The following WDPCP variants were observed in gnomAD, a reference collection of about 807,000 sequenced individuals.
WDPCP encodes the protein WD repeat containing planar cell polarity effector.
In WDPCP, 71 loss-of-function variants were observed where a neutral mutation model predicts 93.1. The ratio of observed to expected loss-of-function variants is 0.76; its 90% confidence interval spans 0.63 to 0.93. WDPCP has a LOEUF of 0.93. WDPCP is among the 40% of genes least tolerant of loss of function. The pLI, the probability that WDPCP is intolerant of heterozygous loss-of-function variation, is 0.00. For synonymous variants in WDPCP, 315 were observed against 315.0 expected, an observed-to-expected ratio of 1.00 and a Z score of 0.00; for missense variants, 844 against 887.4, an observed-to-expected ratio of 0.95 and a Z score of 0.62.
chr2:63,749,340 C>T (rs923461872), intron 2 of WDPCP, among the ~76,000 whole-genome samples: 5 of 152,068 alleles, frequency 3.3e-5, no homozygotes, highest in African/African-American at 1.2e-4. Flanking sequence ...TCCAAGATCC[C>T]TTCCTCTTTT....
chr2:63,770,216 A>G lies in WDPCP; in HGVS notation n.308+43406T>C, dbSNP rs534934965. On this transcript the variant is annotated intron_variant and non_coding_transcript_variant, in intron 2 of 4. Transcript: ENST00000467687. ...GCTGAAAATAATATTTTAGTCTACCACCATACCACCCTGAACGTGTCCAAT... is the reference window on the plus strand; with the variant it reads ...GCTGAAAATAATATTTTAGTCTACCGCCATACCACCCTGAACGTGTCCAAT... Among the ~76,000 whole-genome samples, 3 of 152,100 alleles carry G rather than the reference A, an allele frequency of 2.0e-5. No individual in the cohort carries two copies. The East Asian group carries it at 5.8e-4, about 29-fold the overall frequency.
At chr2:63,809,475 G>A (rs182190843) in intron 2 of WDPCP, among the ~76,000 whole-genome samples, 4,110 of 142,110 alleles carry the variant, frequency 0.029, 81 homozygotes, top group Middle Eastern at 0.092. Flanking sequence ...ACAAAGGGGG[G>A]AAAGGTGGGG....
At chr2:63,330,883 T>C (rs1687926264) in intron 12 of WDPCP, among the ~76,000 whole-genome samples, 1 of 149,866 alleles carries the variant, frequency 6.7e-6, no homozygotes, top group East Asian at 2.0e-4. Context: ...TTTTTTTTTT[T>C]TTTTTGAGAC....
intron 14 of WDPCP, among the ~76,000 whole-genome samples, chr2:63,176,080 G>A (rs1480994786): frequency 2.6e-5 from 4 of 152,046 alleles, no homozygotes; most frequent in African/African-American, 9.7e-5. Context: ...CCAAATCCTT[G>A]ACAAACTTGT....
chr2:63,172,890 T>A (rs139919039), intron 15 of WDPCP, among the ~76,000 whole-genome samples: 103 of 151,918 alleles, frequency 6.8e-4, no homozygotes, highest in African/African-American at 2.2e-3. Flanking sequence ...GGCATTTGGG[T>A]GTGAAGGAAG....
chr2:63,516,957 G>A (rs1001787401), intron 1 of WDPCP, among the ~76,000 whole-genome samples: 18 of 151,552 alleles, frequency 1.2e-4, no homozygotes, highest in African/African-American at 4.2e-4. Flanking sequence ...GGAAGAAGGT[G>A]GGAGAAAGAA....
intron 11 of WDPCP, among the ~76,000 whole-genome samples, 170 bp downstream of exon 11, chr2:63,381,736 A>G (rs1692323920): frequency 6.6e-6 from 1 of 152,222 alleles, no homozygotes; most frequent in African/African-American, 2.4e-5. Flanking sequence ...AGTAAGTACT[A>G]TATGGGAGCA....
At chr2:63,832,746 T>A (rs1360939098), upstream of WDPCP, among the ~76,000 whole-genome samples, 1 of 152,216 alleles carries the variant, frequency 6.6e-6, no homozygotes, top group African/African-American at 2.4e-5. Context: ...GCCTATTATG[T>A]GTCAAGCACT....
At chr2:63,268,238 G>A (rs1459846776) in intron 13 of WDPCP, among the ~76,000 whole-genome samples, 1 of 152,138 alleles carries the variant, frequency 6.6e-6, no homozygotes, top group Non-Finnish European at 1.5e-5. Context: ...GAAAGATACT[G>A]TATGATCTCA....
At chr2:63,541,632 C>T (rs960177170) in intron 1 of WDPCP, among the ~76,000 whole-genome samples, 2 of 152,096 alleles carry the variant, frequency 1.3e-5, no homozygotes, top group African/African-American at 4.8e-5. Context: ...GCCCTTATTT[C>T]CCCCTTCTCT....
At chr2:63,808,711 G>A (rs956724844) in intron 2 of WDPCP, among the ~76,000 whole-genome samples, 3 of 152,152 alleles carry the variant, frequency 2.0e-5, no homozygotes, top group Non-Finnish European at 2.9e-5. Context: ...CCTCCCAGCC[G>A]CCTGCCTTGG....
intron 1 of WDPCP, chr2:63,571,262 A>C: frequency 5.0e-6 from 2 of 401,070 alleles, no homozygotes; most frequent in South Asian, 3.8e-5. Flanking sequence ...GTGTAAAATA[A>C]ATCAGTGTAC....
chr2:63,647,438 C>A (rs1268311586), intron 3 of WDPCP, among the ~76,000 whole-genome samples: 3 of 152,240 alleles, frequency 2.0e-5, no homozygotes, highest in East Asian at 3.9e-4. Context: ...CCGGCCTATG[C>A]ATTTTCAAAT....
rs1039028287 is a variant in WDPCP at position 63,227,918 on chromosome 2, C to A, written c.1915+31389G>T. 9.9e-5 allele frequency among the ~76,000 whole-genome samples: 15 copies of A among 151,968 alleles called. 1 individual carries two copies. The highest frequency in any genetic ancestry group is 7.4e-5 in the Non-Finnish European group (5 of 67,914). On this transcript the variant is annotated intron_variant, in intron 14 of 17. Transcript: ENST00000272321. Reference sequence around the variant, plus strand: ...AACAGAGTATAAATCTAACAGGGAACAAAGGAAACAAAAATGACAGGCATA... The same window carrying A: ...AACAGAGTATAAATCTAACAGGGAAAAAAGGAAACAAAAATGACAGGCATA...
chr2:63,668,584 C>A (rs771155391), intron 2 of WDPCP, among the ~76,000 whole-genome samples: 2 of 152,212 alleles, frequency 1.3e-5, no homozygotes, highest in Admixed American at 1.3e-4. Flanking sequence ...AATATATATT[C>A]ATGGGCAGGA....
intron 12 of WDPCP, chr2:63,377,861 A>T (rs1691987396): frequency 6.5e-6 from 1 of 154,276 alleles, no homozygotes; most frequent in Admixed American, 6.4e-5. Flanking sequence ...TCTTAGAGAA[A>T]TCTCTTGACA....
At chr2:63,609,006 A>G (rs964205108) in intron 3 of WDPCP, among the ~76,000 whole-genome samples, 2 of 152,124 alleles carry the variant, frequency 1.3e-5, no homozygotes, top group African/African-American at 4.8e-5. Flanking sequence ...ACTCCCTTCT[A>G]TATTCTCGTG....
intron 13 of WDPCP, among the ~76,000 whole-genome samples, chr2:63,303,969 TC>T (rs1685526326): frequency 3.8e-5 from 1 of 26,328 alleles, no homozygotes; most frequent in Non-Finnish European, 6.6e-5. Context: ...TAGTAAAAAG[TC>T]AAAAAAAAAA....
chr2:63,575,452 A>ATATAGTG (rs1707946006), intron 1 of WDPCP, among the ~76,000 whole-genome samples: 1 of 42,388 alleles, frequency 2.4e-5, no homozygotes, highest in East Asian at 1.0e-3. Flanking sequence ...TATACACTGT[A>ATATAGTG]TATACAGTAT....
Sources: gnomAD v4.1 joint callset for allele counts (sites outside exome capture counted in the v4.1 genomes callset) on GRCh38, gnomAD v4.1.1 for gene constraint, MANE v1.5 for transcripts, NCBI Gene and HGNC (gene_info 2026-07-23, HGNC 2026-07-21) for gene names.